TEX28: variants seen among roughly 807,000 people sequenced by gnomAD.
TEX28 encodes testis-specific protein TEX28.
upstream of TEX28, among the ~76,000 whole-genome samples, chrX:154,293,349 A>T (rs1211243465): frequency 3.3e-5 from 3 of 90,171 alleles, no homozygotes; most frequent in African/African-American, 5.6e-5. Context: ...AAAACAAAAA[A>T]GAAAGAAAGA....
At chrX:154,294,143 T>C (rs1300695130), upstream of TEX28, among the ~76,000 whole-genome samples, 12 of 100,552 alleles carry the variant, frequency 1.2e-4, no homozygotes, top group Non-Finnish European at 2.0e-4. Context: ...CGATCTTGGC[T>C]CACCGCAACC....
upstream of TEX28, among the ~76,000 whole-genome samples, chrX:154,294,746 C>G (rs899774471): frequency 3.7e-5 from 4 of 109,072 alleles, no homozygotes; most frequent in South Asian, 7.9e-4. Context: ...GAGGTTGCAA[C>G]GAGCTAAGTT....
upstream of TEX28, among the ~76,000 whole-genome samples, chrX:154,294,371 T>G: frequency 1.2e-5 from 1 of 86,744 alleles, no homozygotes; most frequent in Non-Finnish European, 2.2e-5. Flanking sequence ...GCCCAGCCAC[T>G]TTTTTTTTTT....
chrX:154,294,451 C>G (rs2067202246), upstream of TEX28, among the ~76,000 whole-genome samples: 1 of 108,315 alleles, frequency 9.2e-6, no homozygotes, highest in Non-Finnish European at 1.9e-5. Flanking sequence ...ACTGCAACCT[C>G]CGCTTCCCGG....
upstream of TEX28, among the ~76,000 whole-genome samples, chrX:154,293,346 A>AAAAG (rs1290088517): frequency 2.2e-5 from 2 of 89,946 alleles, no homozygotes; most frequent in Non-Finnish European, 4.0e-5. Context: ...ACAAAAACAA[A>AAAAG]AAAGAAAGAA....
chrX:154,294,789 C>T (rs781825279), upstream of TEX28, among the ~76,000 whole-genome samples: 74 of 107,880 alleles, frequency 6.9e-4, no homozygotes, highest in East Asian at 9.7e-3. Context: ...GGCGACAGGG[C>T]GAGACTCCGT....
At chrX:154,294,330 G>C (rs1447099369), upstream of TEX28, among the ~76,000 whole-genome samples, 1 of 100,922 alleles carries the variant, frequency 9.9e-6, no homozygotes, top group African/African-American at 3.7e-5. Flanking sequence ...GCCTCCCAAA[G>C]TGCTGGGATT....
At chrX:154,294,279 C>A (rs1401365019), upstream of TEX28, among the ~76,000 whole-genome samples, 1 of 109,167 alleles carries the variant, frequency 9.2e-6, no homozygotes, top group Non-Finnish European at 1.9e-5. Context: ...CCATGTTAGG[C>A]TGGTCAGGAA....
chrX:154,294,781 C>T (rs1419889691), upstream of TEX28, among the ~76,000 whole-genome samples: 7 of 108,507 alleles, frequency 6.5e-5, no homozygotes, highest in Non-Finnish European at 1.1e-4. Flanking sequence ...CCAGCTTGGG[C>T]GACAGGGCGA....
At chrX:154,294,382 T>TA (rs1417728549), upstream of TEX28, among the ~76,000 whole-genome samples, 8 of 106,831 alleles carry the variant, frequency 7.5e-5, no homozygotes, top group African/African-American at 2.7e-4. Context: ...TTTTTTTTTT[T>TA]TTTAGACGGA....
upstream of TEX28, among the ~76,000 whole-genome samples, chrX:154,294,054 T>A (rs1294218901): frequency 3.9e-5 from 3 of 77,631 alleles, no homozygotes; most frequent in African/African-American, 5.0e-5. Context: ...TTTTTTTTAA[T>A]CGCAATTAGG....
chrX:154,294,782 G>A (rs1162662500), upstream of TEX28, among the ~76,000 whole-genome samples: 2 of 108,624 alleles, frequency 1.8e-5, no homozygotes, highest in Non-Finnish European at 3.8e-5. Context: ...CAGCTTGGGC[G>A]ACAGGGCGAG....
chrX:154,294,311 C>T (rs1453383800), upstream of TEX28, among the ~76,000 whole-genome samples: 8 of 97,827 alleles, frequency 8.2e-5, no homozygotes, highest in Admixed American at 9.6e-4. Context: ...AGGTGATCCA[C>T]CCACCTTGGC....
At chrX:154,295,059 C>G (rs1293866862), upstream of TEX28, 14 of 111,822 alleles carry the variant, frequency 1.3e-4, no homozygotes, top group African/African-American at 4.6e-4. Context: ...TTCTCTGAGA[C>G]CGACATGGGG....
upstream of TEX28, among the ~76,000 whole-genome samples, chrX:154,294,865 C>T (rs1251518725): frequency 5.4e-5 from 6 of 111,940 alleles, no homozygotes; most frequent in African/African-American, 1.9e-4. Flanking sequence ...AACCCAAGGG[C>T]ATTCAGCCTG....
At chrX:154,293,947 TA>T (rs1383365447), upstream of TEX28, among the ~76,000 whole-genome samples, 1 of 63,834 alleles carries the variant, frequency 1.6e-5, no homozygotes, top group Non-Finnish European at 2.8e-5. Flanking sequence ...CGCCAAAAAT[TA>T]AAAAGCCTAA....
chrX:154,295,086 C>G (rs981657593), upstream of TEX28: 1 of 112,138 alleles, frequency 8.9e-6, no homozygotes, highest in Non-Finnish European at 1.9e-5. Flanking sequence ...GCTGGCACCA[C>G]CGGACATGGG....
At chrX:154,295,040 G>C (rs1013315141), upstream of TEX28, 8 of 111,906 alleles carry the variant, frequency 7.1e-5, no homozygotes, top group Admixed American at 4.7e-4. Flanking sequence ...CTCAGAGGTG[G>C]GGAGAAGGTT....
chrX:154,294,398 G>T (rs2067201927), upstream of TEX28, among the ~76,000 whole-genome samples: 1 of 100,662 alleles, frequency 9.9e-6, no homozygotes, highest in African/African-American at 3.7e-5. Context: ...ACGGAGTCTT[G>T]CTCTGTCGCC....
Sources: allele counts gnomAD v4.1 joint callset (sites outside exome capture counted in the v4.1 genomes callset), GRCh38; gene constraint gnomAD v4.1.1; transcripts MANE v1.5; gene names NCBI Gene and HGNC (gene_info 2026-07-23, HGNC 2026-07-21).